PIK3R3: variants seen among roughly 807,000 people sequenced by gnomAD.
PIK3R3 encodes phosphoinositide-3-kinase regulatory subunit 3, also known as phosphatidylinositol 3-kinase regulatory subunit gamma.
A neutral mutation model predicts 62.9 loss-of-function variants in PIK3R3; 64 were observed. That is an observed-to-expected ratio of 1.02 (90% confidence interval 0.83 to 1.25). PIK3R3 has a LOEUF of 1.25. Ranked by LOEUF, PIK3R3 falls within the 50% of genes most tolerant of loss-of-function variation. The pLI, the probability that PIK3R3 is intolerant of heterozygous loss-of-function variation, is 0.00. For missense variants in PIK3R3, 614 were observed against 561.6 expected, an observed-to-expected ratio of 1.09 and a Z score of -0.94; for synonymous variants, 165 against 189.0, an observed-to-expected ratio of 0.87 and a Z score of 1.04.
intron 5 of PIK3R3, among the ~76,000 whole-genome samples, chr1:46,065,471 G>C (rs1326955344): frequency 2.0e-5 from 3 of 152,172 alleles, no homozygotes; most frequent in Non-Finnish European, 4.4e-5. Context: ...CCCCACATTA[G>C]CTGAACACAC....
intron 6 of PIK3R3, among the ~76,000 whole-genome samples, chr1:46,058,711 C>T (rs1236304968): frequency 6.6e-6 from 1 of 152,162 alleles, no homozygotes; most frequent in Non-Finnish European, 1.5e-5. Context: ...GTGTATTTAC[C>T]CAATGTCTGT....
chr1:46,110,111 C>CT (rs113064603), intron 1 of PIK3R3, among the ~76,000 whole-genome samples: 105 of 146,798 alleles, frequency 7.2e-4, no homozygotes, highest in Middle Eastern at 7.0e-3. Flanking sequence ...GCCTCATCCA[C>CT]TTTTTTTTTT....
chr1:46,093,848 C>T (rs573758116), intron 1 of PIK3R3, among the ~76,000 whole-genome samples: 1 of 147,080 alleles, frequency 6.8e-6, no homozygotes, highest in South Asian at 2.2e-4. Context: ...GAGTGAGACT[C>T]CATCTCAAAA....
the PIK3R3 span, among the ~76,000 whole-genome samples, chr1:46,141,491 G>C: frequency 1.3e-5 from 2 of 151,622 alleles, no homozygotes; most frequent in East Asian, 3.9e-4. Context: ...GGCTGGTCTT[G>C]AACTCCTGAC....
the PIK3R3 span, among the ~76,000 whole-genome samples, chr1:46,151,739 G>A: frequency 6.6e-6 from 1 of 152,264 alleles, no homozygotes; most frequent in South Asian, 2.1e-4. Flanking sequence ...GGGACTCAGA[G>A]GTGTCCATGG....
intron 1 of PIK3R3, among the ~76,000 whole-genome samples, chr1:46,109,217 C>T (rs1653505724): frequency 6.6e-6 from 1 of 151,522 alleles, no homozygotes; most frequent in African/African-American, 2.4e-5. Context: ...CTAACTACCT[C>T]TTACTTTTGC....
chr1:46,064,629 A>G (rs761774734), intron 5 of PIK3R3, among the ~76,000 whole-genome samples: 2 of 152,288 alleles, frequency 1.3e-5, no homozygotes, highest in South Asian at 4.1e-4. Context: ...CAACAAAACT[A>G]ATTTAAATTA....
the PIK3R3 span, among the ~76,000 whole-genome samples, chr1:46,148,136 G>A: frequency 6.6e-6 from 1 of 152,188 alleles, no homozygotes; most frequent in Non-Finnish European, 1.5e-5. Flanking sequence ...CCCACTTGGT[G>A]ATATTACACC....
At chr1:46,124,503 G>A (rs1654923744) in intron 1 of PIK3R3, among the ~76,000 whole-genome samples, 1 of 152,154 alleles carries the variant, frequency 6.6e-6, no homozygotes, top group African/African-American at 2.4e-5. Context: ...AAATATAAAA[G>A]TATTCATGAT....
intron 7 of PIK3R3, among the ~76,000 whole-genome samples, chr1:46,054,976 C>G (rs1414370841): frequency 6.6e-6 from 1 of 152,096 alleles, no homozygotes; most frequent in African/African-American, 2.4e-5. Flanking sequence ...GATCTCGGCT[C>G]ACTGCAACCT....
chr1:46,066,191 A>G lies in PIK3R3; in HGVS notation c.496-12T>C. 1 of 1,524,412 alleles carries G rather than the reference A, an allele frequency of 6.6e-7. No homozygotes were observed. The highest frequency in any genetic ancestry group is 9.0e-7 in the Non-Finnish European group (1 of 1,113,146). The allele number at this position is 1,524,412 out of a possible 1,614,324, so 94.4% of individuals were successfully genotyped here. Reference sequence around the variant, plus strand: ...TTTACCAACTGATCCTATACAGGTAAAGAAAAAAATAAAGAATGTTAACAA... The same window carrying G: ...TTTACCAACTGATCCTATACAGGTAGAGAAAAAAATAAAGAATGTTAACAA... On this transcript the variant is annotated splice_polypyrimidine_tract_variant and intron_variant, in intron 4 of 9. Coordinates refer to ENST00000262741, the MANE Select transcript of PIK3R3 (RefSeq NM_003629.4).
intron 1 of PIK3R3, among the ~76,000 whole-genome samples, chr1:46,114,462 A>C (rs535178847): frequency 6.6e-6 from 1 of 152,278 alleles, no homozygotes; most frequent in South Asian, 2.1e-4. Flanking sequence ...CCCTGATTTG[A>C]CATAACAGTG....
At chr1:46,170,065 C>T in the PIK3R3 span, among the ~76,000 whole-genome samples, 1 of 152,102 alleles carries the variant, frequency 6.6e-6, no homozygotes, top group Non-Finnish European at 1.5e-5. Context: ...TGGCTCAGGG[C>T]TTAGCACCTT....
chr1:46,147,601 A>G, the PIK3R3 span, among the ~76,000 whole-genome samples: 1 of 151,558 alleles, frequency 6.6e-6, no homozygotes, highest in Non-Finnish European at 1.5e-5. Context: ...TTGTATTTTT[A>G]GTAGAGACGG....
intron 1 of PIK3R3, among the ~76,000 whole-genome samples, chr1:46,098,067 T>C (rs1652314999): frequency 6.6e-6 from 1 of 152,088 alleles, no homozygotes; most frequent in Non-Finnish European, 1.5e-5. Context: ...ACAAGGAATA[T>C]GCAAAAATCA....
chr1:46,141,855 CAGGTAGTTGGGCTT>C, the PIK3R3 span, among the ~76,000 whole-genome samples: 20 of 152,154 alleles, frequency 1.3e-4, no homozygotes, highest in Non-Finnish European at 2.9e-4. Context: ...CTCTTATGCC[CAGGTAGTTGGGCTT>C]AGGTAAAGAA....
At chr1:46,052,331 A>C (rs1647436195) in intron 7 of PIK3R3, among the ~76,000 whole-genome samples, 1 of 152,146 alleles carries the variant, frequency 6.6e-6, no homozygotes, top group South Asian at 2.1e-4. Flanking sequence ...CCATGGACCA[A>C]GGGGGACTAC....
chr1:46,159,061 T>C, the PIK3R3 span, among the ~76,000 whole-genome samples: 2 of 151,726 alleles, frequency 1.3e-5, no homozygotes, highest in Non-Finnish European at 2.9e-5. Context: ...CACTCCAGCC[T>C]GGGCAGCAAA....
intron 1 of PIK3R3, among the ~76,000 whole-genome samples, chr1:46,081,315 A>G (rs1291886679): frequency 6.6e-6 from 1 of 152,180 alleles, no homozygotes; most frequent in Admixed American, 6.5e-5. Context: ...CACAGAATAC[A>G]TATATTCCCT....
Sources: allele counts gnomAD v4.1 joint callset (sites outside exome capture counted in the v4.1 genomes callset), GRCh38; gene constraint gnomAD v4.1.1; transcripts MANE v1.5; gene names NCBI Gene and HGNC (gene_info 2026-07-23, HGNC 2026-07-21).